HERC1: variants seen among roughly 807,000 people sequenced by gnomAD.
HERC1 encodes the protein probable E3 ubiquitin-protein ligase HERC1.
In HERC1, 160 loss-of-function variants were observed where a neutral mutation model predicts 554.3. The observed-to-expected ratio is 0.29, with a 90% confidence interval of 0.25 to 0.33. The LOEUF (loss-of-function observed/expected upper bound fraction) is 0.33, where lower values mean the gene tolerates loss of function less well. HERC1 is among the 10% of genes least tolerant of loss of function. The pLI is 1.00. For synonymous variants in HERC1, 2,175 were observed against 2,131.7 expected (o/e 1.02, Z -0.56); for missense variants, 4,919 against 5,918.5 (o/e 0.83, Z 5.54).
At chr15:63,725,959 C>T (rs984536476) in intron 17 of HERC1, among the ~76,000 whole-genome samples, 2 of 151,738 alleles carry the variant, frequency 1.3e-5, no homozygotes, top group Non-Finnish European at 2.9e-5. Context: ...AGATCCAGAC[C>T]CATGCTTTCT....
intron 1 of HERC1, among the ~76,000 whole-genome samples, chr15:63,797,568 C>G (rs1229927784): frequency 1.3e-5 from 2 of 152,168 alleles, no homozygotes; most frequent in Non-Finnish European, 2.9e-5. Context: ...TCCCCATTCC[C>G]TAGTCCCCCA....
chr15:63,608,769 A>T lies in HERC1; in HGVS notation c.*312T>A, dbSNP rs922261910. ...GTACAATTTCATGTTCACTGGGTGG[A>T]TTTACAAAAATGTACCATTCCCAAC... On this transcript the variant is annotated 3_prime_UTR_variant, in exon 78 of 78. Transcript: ENST00000443617. 4.4e-6 allele frequency: 1 copy of T among 225,300 alleles called. No individual in the cohort carries two copies. Among genetic ancestry groups the T allele is most frequent in the African/African-American group, 2.3e-5 (1 of 43,850 alleles). The allele number at this position is 225,300 out of a possible 1,614,324, so 14.0% of individuals were successfully genotyped here. A position where few individuals can be genotyped will look rare whatever the true frequency, so the allele number is the denominator to read the frequency against.
intron 2 of HERC1, among the ~76,000 whole-genome samples, chr15:63,772,113 A>C (rs2075973539): frequency 1.3e-5 from 2 of 151,194 alleles, no homozygotes; most frequent in Admixed American, 6.6e-5. Flanking sequence ...CAAGAGCAAA[A>C]CTCCATCTCA....
intron 1 of HERC1, among the ~76,000 whole-genome samples, chr15:63,795,726 C>A (rs2076791794): frequency 6.6e-6 from 1 of 152,164 alleles, no homozygotes; most frequent in South Asian, 2.1e-4. Flanking sequence ...CGAGAGTACA[C>A]CGAACAAAAG....
Position 63,612,136 on chromosome 15 carries a change from TAA to T in HERC1, c.14400+113_14400+114del. 2 of 946,920 alleles carry T rather than the reference TAA, an allele frequency of 2.1e-6. No homozygotes were observed. The highest frequency in any genetic ancestry group is 2.8e-5 in the Admixed American group (1 of 35,740). 58.7% of individuals were successfully genotyped at this position (946,920 alleles called of 1,614,324 possible). ...CTAGGAAGCGGAGGTTGCAGTAAGC[TAA>T]AATCATGCCACTGCACTCCAGCCTG... On this transcript the variant is annotated intron_variant, in intron 77 of 77. Coordinates refer to ENST00000443617, the MANE Select transcript of HERC1 (RefSeq NM_003922.4). This position sits in a 1 kb window ranked among gnomAD's most constrained non-coding sequence, Gnocchi z 5.0.
chr15:63,672,514 A>G lies in HERC1; in HGVS notation c.8027T>C (p.Met2676Thr). Reference sequence around the variant, plus strand: ...TCTCTACCTGAGAAGACTAAGAGGCATCACTCCCGGGGACTCGGATGCAGG... The same window carrying G: ...TCTCTACCTGAGAAGACTAAGAGGCGTCACTCCCGGGGACTCGGATGCAGG... Reference protein sequence around the residue: ...TVPASESPGVMPLSLLRQMFS... With the variant: ...TVPASESPGVTPLSLLRQMFS... The change falls in exon 39 of 78, where the codon ATG becomes ACG. Residue 2676 changes from methionine to threonine, a missense_variant. Coordinates refer to ENST00000443617, the MANE Select transcript of HERC1 (RefSeq NM_003922.4). The G allele has an allele frequency of 1.9e-6, 3 of 1,597,966 alleles. No individual in the cohort carries two copies. In the Middle Eastern group the frequency reaches 5.0e-4, roughly 268 times the overall value.
Position 63,636,154 on chromosome 15 carries a change from C to G in HERC1, c.12233-12G>C, listed in dbSNP as rs181815436. The G allele has an allele frequency of 5.6e-6, 9 of 1,610,742 alleles. No individual in the cohort carries two copies. The highest frequency in any genetic ancestry group is 1.3e-5 in the African/African-American group (1 of 74,798). On this transcript the variant is annotated splice_polypyrimidine_tract_variant and intron_variant, in intron 64 of 77. Coordinates refer to ENST00000443617, the MANE Select transcript of HERC1 (RefSeq NM_003922.4). ...GGTCACCACAAAGCCTGGAACAGAA[C>G]AGAAACCCAACAGGAGTCACTGGAT...
chr15:63,724,954 C>A (rs1382254198), intron 18 of HERC1, among the ~76,000 whole-genome samples: 3 of 152,198 alleles, frequency 2.0e-5, no homozygotes, highest in Non-Finnish European at 4.4e-5. Context: ...AGTACTCTTA[C>A]AGTGCTTTAC....
chr15:63,767,781 G>C (rs576405813), intron 2 of HERC1, among the ~76,000 whole-genome samples: 49 of 152,210 alleles, frequency 3.2e-4, no homozygotes, highest in Non-Finnish European at 5.1e-4. Context: ...CCGAAGAGCT[G>C]AGTATTACAT....
chr15:63,705,631 A>G (rs1415835502), intron 25 of HERC1, among the ~76,000 whole-genome samples: 2 of 152,178 alleles, frequency 1.3e-5, no homozygotes, highest in African/African-American at 4.8e-5. Flanking sequence ...AAGATTTAAT[A>G]TCATGAAAAA....
chr15:63,820,322 A>T (rs2077643253), intron 1 of HERC1, among the ~76,000 whole-genome samples: 1 of 152,210 alleles, frequency 6.6e-6, no homozygotes, highest in African/African-American at 2.4e-5. Context: ...GAAGGCAGAT[A>T]CTATGATCAT....
intron 1 of HERC1, among the ~76,000 whole-genome samples, chr15:63,802,097 G>A (rs936333438): frequency 5.3e-5 from 8 of 152,176 alleles, no homozygotes; most frequent in African/African-American, 1.7e-4. Flanking sequence ...GCAGGAGGAA[G>A]AGCCCATTTG....
intron 1 of HERC1, among the ~76,000 whole-genome samples, chr15:63,783,830 G>C (rs2076356768): frequency 6.6e-6 from 1 of 152,138 alleles, no homozygotes; most frequent in Admixed American, 6.5e-5. Context: ...CACTTTGGGA[G>C]GCTGAAGCGG....
At chr15:63,725,560 A>C (rs767142608) in intron 17 of HERC1, 47 bp from the exon 18 acceptor site, 1 of 1,487,608 alleles carries the variant, frequency 6.7e-7, no homozygotes, top group Admixed American at 1.8e-5. Context: ...GGTACTTTTA[A>C]GATTCAAAAT....
chr15:63,792,860 T>A (rs1467592711), intron 1 of HERC1, among the ~76,000 whole-genome samples: 2 of 152,160 alleles, frequency 1.3e-5, no homozygotes, highest in East Asian at 3.8e-4. Context: ...CACTTCTGAT[T>A]CCAATCGCAA....
rs770749255 is a variant in HERC1, at chr15:63,689,633, G to C, written c.6004C>G (p.His2002Asp). ...MWETPIAQAK[H>D]AIQIKEKEQE... ...TCTTTTTCCTTTATCTGAATAGCATGTTTGGCCTGAGCAATGGGTGTCTCC... is the reference window on the plus strand; with the variant it reads ...TCTTTTTCCTTTATCTGAATAGCATCTTTGGCCTGAGCAATGGGTGTCTCC... The change falls in exon 33 of 78, where the codon CAT (histidine) becomes GAT (aspartate). Residue 2002 changes from histidine (H) to aspartate (D), a missense_variant. His to Asp is a moderately conservative substitution (Grantham distance 81). Around this residue, in one of 11 missense-constraint regions of HERC1, gnomAD observed 1,121 missense variants for 1,244.0 expected, o/e 0.90. Coordinates refer to ENST00000443617, the MANE Select transcript of HERC1 (RefSeq NM_003922.4). 1.3e-6 allele frequency: 2 copies of C among 1,585,456 alleles called. No individual in the cohort carries two copies. The highest frequency in any genetic ancestry group is 2.7e-5 in the African/African-American group (2 of 74,330).
At position 63,718,584 on chromosome 15, in the gene HERC1, C is replaced by T. The variant is rs751601627; in HGVS notation, c.3968G>A (p.Arg1323Gln). Residue 1323 changes from arginine (R) to glutamine (Q), a missense_variant, in exon 21 of 78, where the codon CGG (arginine) becomes CAG (glutamine). By Grantham distance (43) the Arg-to-Gln change is conservative (BLOSUM62 1). Coordinates refer to ENST00000443617, the MANE Select transcript of HERC1 (RefSeq NM_003922.4). The surrounding 1 kb of genome is among the most constrained non-coding windows in gnomAD (Gnocchi z 4.2). ...LELIQTRSSS[R>Q]DRWISENQDS... Reference sequence around the variant, plus strand: ...GATTTCAAACTTTACCCATCTGTCCCGTGATGATGACCTTGTTTGAATAAG... The same window carrying T: ...GATTTCAAACTTTACCCATCTGTCCTGTGATGATGACCTTGTTTGAATAAG... 75 of 1,578,568 alleles carry T rather than the reference C, an allele frequency of 4.8e-5. No individual in the cohort carries two copies. Among genetic ancestry groups the T allele is most frequent in the African/African-American group, 6.7e-5 (5 of 74,380 alleles).
chr15:63,737,413 A>G (rs1363777926), intron 12 of HERC1, among the ~76,000 whole-genome samples: 2 of 89,798 alleles, frequency 2.2e-5, no homozygotes, highest in African/African-American at 8.0e-5. Context: ...ATATATATAT[A>G]TATCTTTTTT....
intron 1 of HERC1, among the ~76,000 whole-genome samples, chr15:63,828,403 G>C (rs1276559694): frequency 2.6e-5 from 4 of 151,882 alleles, no homozygotes; most frequent in Non-Finnish European, 5.9e-5. Context: ...GCAATGGCGT[G>C]ATCTTGGCAT....
Sources: gnomAD v4.1 joint callset for allele counts (sites outside exome capture counted in the v4.1 genomes callset) on GRCh38, gnomAD v4.1.1 for gene constraint, gnomAD v4.1.1 regional missense constraint, Gnocchi (gnomAD v3.1) non-coding constraint, MANE v1.5 for transcripts, NCBI Gene and HGNC (gene_info 2026-07-23, HGNC 2026-07-21) for gene names.